CYP39A1: variants seen among roughly 807,000 people sequenced by gnomAD.
CYP39A1 encodes 24-hydroxycholesterol 7-alpha-hydroxylase.
A neutral mutation model predicts 58.1 loss-of-function variants in CYP39A1; 49 were observed. That is an observed-to-expected ratio of 0.84 (90% CI 0.67 to 1.07). CYP39A1 has a LOEUF of 1.07. Ranked by LOEUF, CYP39A1 falls within the 50% of genes least tolerant of loss-of-function variation. The pLI, the probability that CYP39A1 is intolerant of heterozygous loss-of-function variation, is 0.00. For missense variants in CYP39A1, 531 were observed against 539.4 expected, an observed-to-expected ratio of 0.98 and a Z score of 0.16; for synonymous variants, 209 against 187.6, an observed-to-expected ratio of 1.11 and a Z score of -0.93.
intron 8 of CYP39A1, among the ~76,000 whole-genome samples, chr6:46,594,223 C>T (rs1442740820): frequency 2.0e-5 from 3 of 152,014 alleles, no homozygotes; most frequent in Non-Finnish European, 4.4e-5. Flanking sequence ...TGAAACATTG[C>T]TACACAACTC....
At chr6:46,608,974 G>A (rs1305512739) in intron 7 of CYP39A1, among the ~76,000 whole-genome samples, 1 of 151,874 alleles carries the variant, frequency 6.6e-6, no homozygotes, top group Non-Finnish European at 1.5e-5. Context: ...ACAGATTTGT[G>A]GGAATTTTTT....
chr6:46,630,978 C>T lies in CYP39A1; in HGVS notation c.825G>A (p.Leu275=). 6.2e-7 allele frequency: 1 copy of T among 1,613,518 alleles called. No homozygotes were observed. The change falls in exon 6 of 12, where the codon CTG becomes CTA. Residue 275 remains leucine, a synonymous_variant. Transcript: ENST00000275016. The part of the protein sequence containing the change: ...NYGLLLLWAS[L]SNAVPVAFWT... The stretch of plus-strand genomic sequence containing the variant: ...ATATACTTACAGGAACAGCATTAGA[C>T]AGAGAAGCCCAAAGCAGTAAGAGCC...
At chr6:46,551,550 T>C (rs1770396621) in intron 11 of CYP39A1, among the ~76,000 whole-genome samples, 1 of 152,204 alleles carries the variant, frequency 6.6e-6, no homozygotes, top group Non-Finnish European at 1.5e-5. Flanking sequence ...TAGTATTTCC[T>C]TTTTGTTTGA....
intron 1 of CYP39A1, among the ~76,000 whole-genome samples, chr6:46,647,978 G>A (rs1163453798): frequency 6.6e-6 from 1 of 152,198 alleles, no homozygotes; most frequent in African/African-American, 2.4e-5. Flanking sequence ...TCTCACACCA[G>A]TTAGAATGGC....
At chr6:46,642,014 T>C (rs942561380) in intron 2 of CYP39A1, 149 bp downstream of exon 2, 3 of 840,480 alleles carry the variant, frequency 3.6e-6, no homozygotes, top group Admixed American at 2.6e-5. Flanking sequence ...ATTCTACCCA[T>C]AACTCTTTCC....
intron 10 of CYP39A1, among the ~76,000 whole-genome samples, chr6:46,563,409 TCTAC>T (rs1771087294): frequency 1.3e-5 from 2 of 152,160 alleles, no homozygotes; most frequent in African/African-American, 4.8e-5. Context: ...ACATTACACA[TCTAC>T]TAATAAAGCT....
At position 46,596,118 on chromosome 6, in the gene CYP39A1, T is replaced by TTTTTTACAGGCAAAG. The variant is rs758197054; in HGVS notation, c.933_934insCTTTGCCTGTAAAAA (p.Gly311_Lys312insLeuCysLeuTer). 3 of 1,594,346 alleles carry TTTTTTACAGGCAAAG rather than the reference T, an allele frequency of 1.9e-6. No individual in the cohort carries two copies. The South Asian group carries it at 3.5e-5, about 18-fold the overall frequency. ...TCCTCAGACACTTTAATCTTATCTT[T>TTTTTTACAGGCAAAG]GCCTGTAAAAAAATTTTTAATGAGA... On this transcript the variant is annotated stop_gained and inframe_insertion and splice_region_variant, in exon 8 of 12. Transcript: ENST00000275016. LOFTEE classifies it high-confidence loss of function.
intron 10 of CYP39A1, among the ~76,000 whole-genome samples, chr6:46,581,148 CTG>C (rs1232025965): frequency 6.6e-6 from 1 of 152,146 alleles, no homozygotes; most frequent in Non-Finnish European, 1.5e-5. Context: ...TGGCTCATGC[CTG>C]TAATCTCAGC....
At chr6:46,560,806 G>T (rs1770933717) in intron 10 of CYP39A1, among the ~76,000 whole-genome samples, 1 of 152,118 alleles carries the variant, frequency 6.6e-6, no homozygotes, top group Non-Finnish European at 1.5e-5. Context: ...GGAGCCCTGG[G>T]GTAATCCAAA....
chr6:46,586,815 A>G (rs1010607840), intron 10 of CYP39A1, among the ~76,000 whole-genome samples: 10 of 152,096 alleles, frequency 6.6e-5, no homozygotes, highest in Non-Finnish European at 1.3e-4. Flanking sequence ...AAAGCTGACA[A>G]TTTGAACCAT....
chr6:46,580,595 G>T (rs1772076984), intron 10 of CYP39A1, among the ~76,000 whole-genome samples: 1 of 151,922 alleles, frequency 6.6e-6, no homozygotes, highest in Non-Finnish European at 1.5e-5. Context: ...AAAATATTTG[G>T]CATATGCATC....
rs1233753722 is a variant in CYP39A1, at chr6:46,650,133, CACACACAT to C, written c.177+2265_177+2272del. 1.0e-3 allele frequency among the ~76,000 whole-genome samples: 159 copies of C among 152,042 alleles called. 1 individual carries two copies. The highest frequency in any genetic ancestry group is 3.4e-3 in the African/African-American group (143 of 41,470). On this transcript the variant is annotated intron_variant, in intron 1 of 11. Coordinates refer to ENST00000275016, the MANE Select transcript of CYP39A1 (RefSeq NM_016593.5). ...ATTTACACACACACACACACACACA[CACACACAT>C]ACACACATACACACCTTGAGAGGGT... is the stretch of plus-strand genomic sequence containing the variant.
chr6:46,613,363 T>C (rs368233906), intron 7 of CYP39A1, among the ~76,000 whole-genome samples: 26 of 152,168 alleles, frequency 1.7e-4, no homozygotes, highest in African/African-American at 5.5e-4. Context: ...TCATCCACAA[T>C]CACACAATTA....
At chr6:46,604,435 G>A (rs1395732147) in intron 7 of CYP39A1, among the ~76,000 whole-genome samples, 1 of 152,166 alleles carries the variant, frequency 6.6e-6, no homozygotes, top group Non-Finnish European at 1.5e-5. Context: ...GAACCTAAGG[G>A]AAAAGCCCTT....
At chr6:46,584,051 A>C (rs1345931819) in intron 10 of CYP39A1, among the ~76,000 whole-genome samples, 1 of 152,106 alleles carries the variant, frequency 6.6e-6, no homozygotes, top group Non-Finnish European at 1.5e-5. Flanking sequence ...TGTGGGATTA[A>C]ATTTCTAGTG....
intron 7 of CYP39A1, among the ~76,000 whole-genome samples, chr6:46,605,480 T>G (rs1360150595): frequency 1.3e-5 from 2 of 152,288 alleles, no homozygotes; most frequent in South Asian, 4.1e-4. Context: ...TTTAATAAAA[T>G]CAGCTAACAT....
Position 46,625,585 on chromosome 6 carries a change from A to G in CYP39A1, c.841-77T>C, listed in dbSNP as rs1005393935. 3 of 1,022,042 alleles carry G rather than the reference A, an allele frequency of 2.9e-6. No homozygotes were observed. The African/African-American group carries it at 4.9e-5, about 17-fold the overall frequency. 63.3% of individuals were successfully genotyped at this position (1,022,042 alleles called of 1,614,324 possible). On this transcript the variant is annotated intron_variant, in intron 6 of 11. Coordinates refer to ENST00000275016, the MANE Select transcript of CYP39A1 (RefSeq NM_016593.5). ...AAAGCATATTTAGTATTAGCCATAC[A>G]TATATTTTTTAAAAAGGATGATGTT... is the stretch of plus-strand genomic sequence containing the variant.
At chr6:46,552,931 C>A (rs1770483304) in intron 11 of CYP39A1, among the ~76,000 whole-genome samples, 1 of 151,844 alleles carries the variant, frequency 6.6e-6, no homozygotes, top group African/African-American at 2.4e-5. Context: ...GCCTGCAGGC[C>A]CAGTTACCAG....
chr6:46,635,037 A>G (rs985179813), intron 5 of CYP39A1, among the ~76,000 whole-genome samples: 1 of 152,222 alleles, frequency 6.6e-6, no homozygotes, highest in African/African-American at 2.4e-5. Context: ...ATGGCTTCCT[A>G]TTCCCTTTAT....
Sources: gnomAD v4.1 joint callset for allele counts (sites outside exome capture counted in the v4.1 genomes callset) on GRCh38, gnomAD v4.1.1 for gene constraint, MANE v1.5 for transcripts, NCBI Gene and HGNC (gene_info 2026-07-23, HGNC 2026-07-21) for gene names.